The following CCSER1 variants were observed in gnomAD, a reference collection of about 807,000 sequenced individuals.
CCSER1 encodes the protein serine-rich coiled-coil domain-containing protein 1.
A neutral mutation model predicts 82.0 loss-of-function variants in CCSER1; 41 were observed. The observed-to-expected ratio is 0.50, with a 90% CI of 0.39 to 0.65. The LOEUF (loss-of-function observed/expected upper bound fraction) is 0.65, where lower values mean the gene tolerates loss of function less well. Ranked by LOEUF, CCSER1 falls within the 30% of genes least tolerant of loss-of-function variation. The pLI is 0.00. For missense variants in CCSER1, 1,119 were observed against 1,064.2 expected, an observed-to-expected ratio of 1.05 and a Z score of -0.72; for synonymous variants, 414 against 383.9, an observed-to-expected ratio of 1.08 and a Z score of -0.92.
At chr4:91,436,428 TC>T (rs1434725831) in intron 10 of CCSER1, among the ~76,000 whole-genome samples, 13 of 152,334 alleles carry the variant, frequency 8.5e-5, no homozygotes, top group Admixed American at 2.6e-4. Flanking sequence ...TAAATTTTTC[TC>T]CAAAAATTTT....
chr4:91,158,809 C>A (rs1238039154), intron 10 of CCSER1, among the ~76,000 whole-genome samples: 1 of 151,920 alleles, frequency 6.6e-6, no homozygotes, highest in Non-Finnish European at 1.5e-5. Context: ...TCAGGTGAAT[C>A]ACACAAAATA....
intron 6 of CCSER1, among the ~76,000 whole-genome samples, chr4:90,661,359 G>A (rs6828732): frequency 6.6e-6 from 1 of 151,840 alleles, no homozygotes; most frequent in South Asian, 2.1e-4. Context: ...TGACTTTATT[G>A]TCCTTCTGTG....
intron 10 of CCSER1, among the ~76,000 whole-genome samples, chr4:91,205,571 C>A (rs1267322725): frequency 1.3e-5 from 2 of 151,494 alleles, no homozygotes; most frequent in Non-Finnish European, 3.0e-5. Context: ...TTCACTAATA[C>A]TTTTCCTTTA....
intron 1 of CCSER1, among the ~76,000 whole-genome samples, chr4:90,190,632 G>C (rs1346728219): frequency 6.6e-6 from 1 of 152,062 alleles, no homozygotes; most frequent in Non-Finnish European, 1.5e-5. Context: ...GGCTATTCTT[G>C]GCCACTTGTT....
At chr4:90,138,457 G>A (rs991709804) in intron 1 of CCSER1, among the ~76,000 whole-genome samples, 1 of 152,158 alleles carries the variant, frequency 6.6e-6, no homozygotes, top group African/African-American at 2.4e-5. Flanking sequence ...GCCCTCCCTG[G>A]CTATTTCATA....
chr4:90,845,270 A>C (rs1193559639), intron 8 of CCSER1, among the ~76,000 whole-genome samples: 2 of 151,770 alleles, frequency 1.3e-5, no homozygotes, highest in Non-Finnish European at 2.9e-5. Flanking sequence ...GCTAAGACAG[A>C]AAAATCGCTA....
At chr4:90,671,644 C>A (rs1314327497) in intron 6 of CCSER1, among the ~76,000 whole-genome samples, 1 of 151,956 alleles carries the variant, frequency 6.6e-6, no homozygotes, top group African/African-American at 2.4e-5. Context: ...AATCCAAACT[C>A]CTGTTAATGT....
At chr4:91,347,462 T>C (rs1455715872) in intron 10 of CCSER1, among the ~76,000 whole-genome samples, 1 of 151,500 alleles carries the variant, frequency 6.6e-6, no homozygotes, top group African/African-American at 2.4e-5. Context: ...CTTTTTCTTA[T>C]GAAATTTAGA....
chr4:90,411,268 A>C (rs1754731841), intron 4 of CCSER1, among the ~76,000 whole-genome samples: 4 of 152,170 alleles, frequency 2.6e-5, no homozygotes, highest in Admixed American at 2.6e-4. Flanking sequence ...TCCCTAACTC[A>C]TTTTATGAGG....
intron 5 of CCSER1, among the ~76,000 whole-genome samples, chr4:90,484,166 G>A (rs144924989): frequency 0.01 from 1,549 of 152,092 alleles, 28 homozygotes; most frequent in African/African-American, 0.035. Flanking sequence ...TGATCGCATC[G>A]GTTACTGAGG....
chr4:90,394,519 T>C (rs961539815), intron 3 of CCSER1, among the ~76,000 whole-genome samples: 1 of 152,200 alleles, frequency 6.6e-6, no homozygotes, highest in Non-Finnish European at 1.5e-5. Flanking sequence ...CTTTTGACTT[T>C]TGTTAATAAT....
At chr4:90,287,346 C>G (rs1730088739) in intron 1 of CCSER1, among the ~76,000 whole-genome samples, 1 of 151,886 alleles carries the variant, frequency 6.6e-6, no homozygotes, top group South Asian at 2.1e-4. Flanking sequence ...TTGAAACTAC[C>G]TACATGTTTT....
At chr4:91,015,717 G>A (rs536313308) in intron 9 of CCSER1, among the ~76,000 whole-genome samples, 340 of 151,682 alleles carry the variant, frequency 2.2e-3, no homozygotes, top group African/African-American at 6.9e-3. Context: ...CTTTTACTCA[G>A]AAAAAAATAT....
chr4:90,727,056 T>C, intron 7 of CCSER1: 1 of 346,502 alleles, frequency 2.9e-6, no homozygotes, highest in Admixed American at 3.8e-5. Flanking sequence ...AGCCTCTTGA[T>C]ACTGAGGAGT....
At chr4:91,168,978 T>G (rs1732468106) in intron 10 of CCSER1, among the ~76,000 whole-genome samples, 1 of 152,030 alleles carries the variant, frequency 6.6e-6, no homozygotes, top group Non-Finnish European at 1.5e-5. Context: ...ATGTGCTTTG[T>G]TAAACAGATG....
intron 10 of CCSER1, among the ~76,000 whole-genome samples, chr4:91,466,077 T>C (rs2204872): frequency 0.7 from 105,921 of 152,042 alleles, 37,214 homozygotes; most frequent in East Asian, 0.89. Flanking sequence ...CCAATATCCC[T>C]GATGAACATT....
In CCSER1 at chr4:90,709,748, C is replaced by T. The variant is rs150174070; in HGVS notation, c.1933-14166C>T. On this transcript the variant is annotated intron_variant, in intron 6 of 10. Transcript: ENST00000509176. Reference sequence around the variant, plus strand: ...TGAATAGTGCTGCAGTGAACATATGCATGCATGTATCTTTATAATAGAATG... The same window carrying T: ...TGAATAGTGCTGCAGTGAACATATGTATGCATGTATCTTTATAATAGAATG... 4.7e-3 allele frequency among the ~76,000 whole-genome samples: 713 copies of T among 152,118 alleles called. 4 individuals carry two copies. The highest frequency in any genetic ancestry group is 0.016 in the African/African-American group (667 of 41,516).
At chr4:90,237,405 T>C (rs1236146037) in intron 1 of CCSER1, among the ~76,000 whole-genome samples, 6 of 152,190 alleles carry the variant, frequency 3.9e-5, no homozygotes, top group Non-Finnish European at 8.8e-5. Flanking sequence ...TAAATGTTTT[T>C]CTTATGCTGT....
At chr4:90,944,262 A>G (rs1280970500) in intron 9 of CCSER1, among the ~76,000 whole-genome samples, 1 of 151,602 alleles carries the variant, frequency 6.6e-6, no homozygotes, top group Non-Finnish European at 1.5e-5. Flanking sequence ...AAAAATACCT[A>G]GTAGAATGCT....
Sources: allele counts gnomAD v4.1 joint callset (sites outside exome capture counted in the v4.1 genomes callset), GRCh38; gene constraint gnomAD v4.1.1; transcripts MANE v1.5; gene names NCBI Gene and HGNC (gene_info 2026-07-23, HGNC 2026-07-21).